MGA: variants seen among roughly 807,000 people sequenced by gnomAD.
The protein encoded by MGA is MAX gene-associated protein.
A neutral mutation model predicts 261.1 loss-of-function variants in MGA; 40 were observed. The observed-to-expected ratio is 0.15, with a 90% CI of 0.12 to 0.20. The LOEUF (loss-of-function observed/expected upper bound fraction) is 0.20, where lower values mean the gene tolerates loss of function less well. Among genes scored for constraint, MGA ranks in the 10% least tolerant of loss-of-function variants. The pLI, the probability that MGA is intolerant of heterozygous loss-of-function variation, is 1.00. For missense variants in MGA, 3,397 were observed against 3,630.5 expected, an observed-to-expected ratio of 0.94 and a Z score of 1.65; for synonymous variants, 1,302 against 1,290.6, an observed-to-expected ratio of 1.01 and a Z score of -0.19.
At position 41,769,870 on chromosome 15, in the gene MGA, A is replaced by G. The variant is rs2063959671; in HGVS notation, c.*2590A>G. The G allele has an allele frequency of 6.6e-6, 1 of 152,590 alleles. No individual in the cohort carries two copies. 9.5% of individuals were successfully genotyped at this position (152,590 alleles called of 1,614,324 possible). A position where few individuals can be genotyped will look rare whatever the true frequency, so the allele number is the denominator to read the frequency against. ...AAGTGACTATTTTTTTAGAAATCTA[A>G]GAACAGAAGTTTGGTGATTGAAAGG... On this transcript the variant is annotated 3_prime_UTR_variant, in exon 24 of 24. Transcript: ENST00000219905.
chr15:41,721,319 T>C (rs1320265241), intron 9 of MGA, among the ~76,000 whole-genome samples: 1 of 151,918 alleles, frequency 6.6e-6, no homozygotes, highest in African/African-American at 2.4e-5. Flanking sequence ...AATACAAAAA[T>C]TAGCCAGGTG....
At chr15:41,679,369 A>C (rs1285606502) in intron 2 of MGA, among the ~76,000 whole-genome samples, 1 of 152,156 alleles carries the variant, frequency 6.6e-6, no homozygotes, top group Admixed American at 6.5e-5. Flanking sequence ...ACTTCTGAAA[A>C]ATCCCGTTGG....
chr15:41,728,208 A>G (rs1040487914), intron 10 of MGA, among the ~76,000 whole-genome samples: 1 of 152,102 alleles, frequency 6.6e-6, no homozygotes. Context: ...GCTCATGCCT[A>G]TAATCCCAGC....
intron 1 of MGA, chr15:41,621,514 G>A (rs1335219547): frequency 1.3e-5 from 2 of 152,272 alleles, no homozygotes; most frequent in Non-Finnish European, 2.9e-5. Context: ...TGACTAGCCG[G>A]GTGGTCCAGC....
Position 41,730,828 on chromosome 15 carries a change from C to T in MGA, c.3843+1479C>T, listed in dbSNP as rs565374961. 3.9e-5 allele frequency among the ~76,000 whole-genome samples: 6 copies of T among 152,260 alleles called. 1 individual carries two copies. In the East Asian group the frequency reaches 1.2e-3, roughly 29 times the overall value. On this transcript the variant is annotated intron_variant, in intron 11 of 23. Coordinates refer to ENST00000219905, the MANE Select transcript of MGA (RefSeq NM_001164273.2). ...CCTCCTGGTTTAGTGTTCTAAGAAG[C>T]CAATAGTTGCAGCAATTCGAGCATT...
chr15:41,669,699 A>C lies in MGA; in HGVS notation c.805A>C (p.Arg269=). The change falls in exon 2 of 24, where the codon AGA becomes CGA. Residue 269 remains arginine, a synonymous_variant. Coordinates refer to ENST00000219905, the MANE Select transcript of MGA (RefSeq NM_001164273.2). Reference sequence around the variant, plus strand: ...TGATGGGCTGAATAATAAGCCCCAGAGAGATGGAAAACAAAAGAACAGCTC... The same window carrying C: ...TGATGGGCTGAATAATAAGCCCCAGCGAGATGGAAAACAAAAGAACAGCTC... The C allele has an allele frequency of 6.2e-7, 1 of 1,613,646 alleles. No individual in the cohort carries two copies. Among genetic ancestry groups the C allele is most frequent in the Non-Finnish European group, 8.5e-7 (1 of 1,179,680 alleles).
chr15:41,706,249 A>AT (rs138736636), intron 5 of MGA, among the ~76,000 whole-genome samples: 92,657 of 147,420 alleles, frequency 0.63, 30,041 homozygotes, highest in East Asian at 0.88. Context: ...AAAAAAAAAA[A>AT]AAATGAATAA....
At chr15:41,704,684 G>C (rs1294980137) in intron 5 of MGA, among the ~76,000 whole-genome samples, 1 of 151,972 alleles carries the variant, frequency 6.6e-6, no homozygotes, top group Non-Finnish European at 1.5e-5. Context: ...AAAAAAAATT[G>C]GTGATTAGCT....
chr15:41,739,343 T>C (rs1358651120), intron 13 of MGA, among the ~76,000 whole-genome samples: 2 of 152,236 alleles, frequency 1.3e-5, no homozygotes, highest in Admixed American at 1.3e-4. Flanking sequence ...AAAATAGTAT[T>C]TTCAAAGCTA....
intron 19 of MGA, among the ~76,000 whole-genome samples, chr15:41,759,025 A>C (rs2063302377): frequency 1.3e-5 from 2 of 152,166 alleles, no homozygotes; most frequent in Admixed American, 1.3e-4. Context: ...ACAAATGACA[A>C]ATTGGGAGGT....
In MGA at chr15:41,749,555, C is replaced by T. The variant is rs1189261168; in HGVS notation, c.5948C>T (p.Ser1983Leu). 3.7e-6 allele frequency: 6 copies of T among 1,613,826 alleles called. No homozygotes were observed. Among genetic ancestry groups the T allele is most frequent in the South Asian group, 1.1e-5 (1 of 91,076 alleles). The change falls in exon 17 of 24, where the codon TCA (serine) becomes TTA (leucine). Residue 1983 changes from serine to leucine, a missense_variant. Transcript: ENST00000219905. ...CCAGACCAGAAAGATGAAACAAACTCAATAAAAAGAGAGCAAGAAACGAAG... is the reference window on the plus strand; with the variant it reads ...CCAGACCAGAAAGATGAAACAAACTTAATAAAAAGAGAGCAAGAAACGAAG...
At chr15:41,690,175 A>G (rs2059199038) in intron 2 of MGA, among the ~76,000 whole-genome samples, 1 of 152,202 alleles carries the variant, frequency 6.6e-6, no homozygotes, top group Non-Finnish European at 1.5e-5. Context: ...GATATTTTAT[A>G]TAAATGGAAT....
intron 2 of MGA, among the ~76,000 whole-genome samples, chr15:41,671,563 A>G (rs2058061997): frequency 6.6e-6 from 1 of 151,994 alleles, no homozygotes; most frequent in Non-Finnish European, 1.5e-5. Context: ...TCCTGACCTC[A>G]GGTGATCCAC....
chr15:41,691,507 T>G (rs1201412526), intron 2 of MGA: 1 of 330,266 alleles, frequency 3.0e-6, no homozygotes, highest in Admixed American at 3.2e-5. Context: ...TCCTCTACAA[T>G]CTGGATGCCT....
chr15:41,731,891 A>G (rs2061524606), intron 11 of MGA, among the ~76,000 whole-genome samples: 1 of 152,180 alleles, frequency 6.6e-6, no homozygotes, highest in African/African-American at 2.4e-5. Flanking sequence ...CTGGGCAATT[A>G]TACATTCTCC....
intron 2 of MGA, among the ~76,000 whole-genome samples, chr15:41,682,982 G>A (rs12917387): frequency 0.25 from 37,962 of 151,958 alleles, 5,234 homozygotes; most frequent in Middle Eastern, 0.43. Context: ...TTCTTCTTAC[G>A]TGTTGGGAAT....
At chr15:41,759,967 A>G (rs2063361172) in intron 19 of MGA, among the ~76,000 whole-genome samples, 1 of 152,128 alleles carries the variant, frequency 6.6e-6, no homozygotes, top group African/African-American at 2.4e-5. Flanking sequence ...TTTGAAAAAC[A>G]TTTAATGTAA....
intron 5 of MGA, among the ~76,000 whole-genome samples, chr15:41,702,815 G>T (rs2059917539): frequency 6.6e-6 from 1 of 152,148 alleles, no homozygotes; most frequent in African/African-American, 2.4e-5. Context: ...TTAAAAGTGT[G>T]TTTAAAGCAT....
intron 22 of MGA, among the ~76,000 whole-genome samples, chr15:41,763,392 C>T (rs1047466909): frequency 3.3e-5 from 5 of 151,370 alleles, no homozygotes; most frequent in East Asian, 2.0e-4. Flanking sequence ...TGAGCCACTG[C>T]GCCTGGCCAT....
Sources: gnomAD v4.1 joint callset for allele counts (sites outside exome capture counted in the v4.1 genomes callset) on GRCh38, gnomAD v4.1.1 for gene constraint, MANE v1.5 for transcripts, NCBI Gene and HGNC (gene_info 2026-07-23, HGNC 2026-07-21) for gene names.